Variants in CDC42EP5 observed in about 807,000 individuals in gnomAD.
CDC42EP5 encodes CDC42 effector protein 5, also known as CDC42 effector protein (Rho GTPase binding) 5.
For synonymous variants in CDC42EP5, 118 were observed against 123.3 expected (o/e 0.96, Z 0.28); for missense variants, 269 against 238.0 (o/e 1.13, Z -0.86).
At chr19:54,469,265 A>G (rs1017454205) in intron 2 of CDC42EP5, among the ~76,000 whole-genome samples, 6 of 152,050 alleles carry the variant, frequency 3.9e-5, no homozygotes, top group African/African-American at 1.4e-4. Flanking sequence ...AAGTGCTGGG[A>G]TTACAGGCAT....
chr19:54,467,983 T>C (rs989671302), intron 2 of CDC42EP5, among the ~76,000 whole-genome samples: 2 of 152,222 alleles, frequency 1.3e-5, no homozygotes, highest in African/African-American at 2.4e-5. Context: ...GTTGAAGCCC[T>C]ACCCTTTGCC....
Position 54,465,361 on chromosome 19 carries a change from G to T in CDC42EP5, c.187C>A (p.Pro63Thr), listed in dbSNP as rs1600047198. Residue 63 changes from proline (P) to threonine (T), a missense_variant, in exon 3 of 3, where the codon CCC (proline) becomes ACC (threonine). By Grantham distance (38) the Pro-to-Thr change is conservative. Transcript: ENST00000301200. ...GGGPPPEPRA[P>T]PAGAPRSPPP... ...GGGGAGCGCGGGGCCCCCGCGGGGG[G>T]CGCCCGGGGCTCGGGGGGCGGCCCG... is the stretch of plus-strand genomic sequence containing the variant. 8.6e-7 allele frequency: 1 copy of T among 1,156,442 alleles called. No individual in the cohort carries two copies. The highest frequency in any genetic ancestry group is 1.1e-6 in the Non-Finnish European group (1 of 939,588). 71.6% of individuals were successfully genotyped at this position (1,156,442 alleles called of 1,614,324 possible).
At chr19:54,469,593 G>A (rs1237086999) in intron 2 of CDC42EP5, among the ~76,000 whole-genome samples, 3 of 152,200 alleles carry the variant, frequency 2.0e-5, no homozygotes, top group Non-Finnish European at 4.4e-5. Flanking sequence ...ATACTTCCCA[G>A]TCCTTTTGCA....
At chr19:54,465,585 C>G (rs776792191) in intron 2 of CDC42EP5, 38 bp from the exon 3 acceptor site, 73 of 1,419,028 alleles carry the variant, frequency 5.1e-5, no homozygotes, top group Non-Finnish European at 6.6e-5. Flanking sequence ...GGCCCCAGCC[C>G]GGGGCTCGCA....
At chr19:54,466,713 C>A (rs1179650868) in intron 2 of CDC42EP5, among the ~76,000 whole-genome samples, 1 of 152,066 alleles carries the variant, frequency 6.6e-6, no homozygotes, top group Non-Finnish European at 1.5e-5. Flanking sequence ...AAAATGAGTA[C>A]AAGTTTCAAA....
At chr19:54,470,503 GAGAA>G (rs1004405222) in intron 2 of CDC42EP5, among the ~76,000 whole-genome samples, 30 of 142,472 alleles carry the variant, frequency 2.1e-4, no homozygotes, top group East Asian at 1.2e-3. Flanking sequence ...GGAAAGGAAG[GAGAA>G]AGAAAGAAAG....
chr19:54,465,410 G>A lies in CDC42EP5; in HGVS notation c.138C>T (p.Thr46=). The stretch of plus-strand genomic sequence containing the variant: ...CGCCGCCGTGGCGGCTCAGGAACGA[G>A]GTGTCCCCGAAGGCGTCGCCGCCGC... ...VGRGGDAFGD[T]SFLSRHGGGP... Residue 46 remains threonine (T), a synonymous_variant, in exon 3 of 3, where the codon ACC becomes ACT. Coordinates refer to ENST00000301200, the MANE Select transcript of CDC42EP5 (RefSeq NM_145057.4). 7.1e-7 allele frequency: 1 copy of A among 1,398,862 alleles called. No individual in the cohort carries two copies. The highest frequency in any genetic ancestry group is 1.5e-5 in the African/African-American group (1 of 66,986). 86.7% of individuals were successfully genotyped at this position (1,398,862 alleles called of 1,614,324 possible). A position where few individuals can be genotyped will look rare whatever the true frequency, so the allele number is the denominator to read the frequency against.
chr19:54,468,229 G>A lies in CDC42EP5; in HGVS notation c.1-2682C>T, dbSNP rs533662212. On this transcript the variant is annotated intron_variant, in intron 2 of 2. Transcript: ENST00000301200. ...AGAACACTATGAGAAAGACAAAGCCGCTGACATTGTTTTCACCGTAACAGG... is the reference window on the plus strand; with the variant it reads ...AGAACACTATGAGAAAGACAAAGCCACTGACATTGTTTTCACCGTAACAGG... Among the ~76,000 whole-genome samples the A allele has an allele frequency of 1.9e-4, 29 of 152,250 alleles. No homozygotes were observed. The South Asian group carries it at 2.3e-3, about 12-fold the overall frequency.
At chr19:54,468,920 C>CTTCCTTCCTTCT (rs753994637) in intron 2 of CDC42EP5, among the ~76,000 whole-genome samples, 5 of 124,012 alleles carry the variant, frequency 4.0e-5, no homozygotes, top group South Asian at 2.8e-4. Context: ...TCCTTCCTTC[C>CTTCCTTCCTTCT]TTCTTTCTTT....
At chr19:54,471,044 C>T (rs1311930896) in intron 2 of CDC42EP5, among the ~76,000 whole-genome samples, 1 of 152,212 alleles carries the variant, frequency 6.6e-6, no homozygotes, top group African/African-American at 2.4e-5. Context: ...ATAGAAGCCT[C>T]TGACCTCCCT....
At chr19:54,472,535 A>G (rs1201369444) in intron 1 of CDC42EP5, among the ~76,000 whole-genome samples, 1 of 53,662 alleles carries the variant, frequency 1.9e-5, no homozygotes, top group African/African-American at 8.8e-5. Flanking sequence ...CAGACCCAGG[A>G]GTCAAGATCC....
At chr19:54,467,089 C>T (rs949662483) in intron 2 of CDC42EP5, among the ~76,000 whole-genome samples, 2 of 150,890 alleles carry the variant, frequency 1.3e-5, no homozygotes, top group African/African-American at 4.9e-5. Flanking sequence ...CCACGCCTGG[C>T]CAACTGTACC....
chr19:54,465,211 CCGGG>C lies in CDC42EP5; in HGVS notation c.333_336del (p.Pro112ArgfsTer30). Reference sequence around the variant, plus strand: ...GCGTCGGGCTTGGCGGCAGCCGCCTCCGGGCGCGCCGCGTCCATGACGCCCAGCA... The same window carrying C: ...GCGTCGGGCTTGGCGGCAGCCGCCTCCGCGCCGCGTCCATGACGCCCAGCA... On this transcript the variant is annotated frameshift_variant, in exon 3 of 3. Coordinates refer to ENST00000301200, the MANE Select transcript of CDC42EP5 (RefSeq NM_145057.4). LOFTEE classifies it low-confidence loss of function (END_TRUNC). The C allele has an allele frequency of 6.9e-7, 1 of 1,439,298 alleles. No homozygotes were observed. Among genetic ancestry groups the C allele is most frequent in the Non-Finnish European group, 9.1e-7 (1 of 1,100,164 alleles). The allele number at this position is 1,439,298 out of a possible 1,614,324, so 89.2% of individuals were successfully genotyped here.
At position 54,465,476 on chromosome 19, in the gene CDC42EP5, G is replaced by A. The variant is rs747374305; in HGVS notation, c.72C>T (p.Ser24=). ...KRPDRGALSI[S]APLGDFRHTL... ...TGTGCCGGAAGTCGCCGAGCGGCGCGGAGATGGACAGGGCGCCGCGATCAG... is the reference window on the plus strand; with the variant it reads ...TGTGCCGGAAGTCGCCGAGCGGCGCAGAGATGGACAGGGCGCCGCGATCAG... The change falls in exon 3 of 3, where the codon TCC becomes TCT. Residue 24 remains serine, a synonymous_variant. Transcript: ENST00000301200. The A allele has an allele frequency of 9.8e-6, 15 of 1,527,972 alleles. No individual in the cohort carries two copies. The highest frequency in any genetic ancestry group is 1.2e-5 in the Non-Finnish European group (14 of 1,150,000). 94.7% of individuals were successfully genotyped at this position (1,527,972 alleles called of 1,614,324 possible).
intron 2 of CDC42EP5, among the ~76,000 whole-genome samples, chr19:54,467,410 G>A (rs1490056350): frequency 6.6e-6 from 1 of 151,022 alleles, no homozygotes; most frequent in Non-Finnish European, 1.5e-5. Context: ...CTGAGATCGC[G>A]CCATTGCATT....
chr19:54,469,325 T>A (rs1039400302), intron 2 of CDC42EP5, among the ~76,000 whole-genome samples: 2 of 152,100 alleles, frequency 1.3e-5, no homozygotes, highest in African/African-American at 2.4e-5. Context: ...GTAATCTATT[T>A]TATTTTTAAA....
chr19:54,469,941 C>CA (rs1344809105), intron 2 of CDC42EP5, among the ~76,000 whole-genome samples: 2 of 152,128 alleles, frequency 1.3e-5, no homozygotes, highest in Non-Finnish European at 2.9e-5. Context: ...CAGCACCTGG[C>CA]AACACACATA....
intron 2 of CDC42EP5, among the ~76,000 whole-genome samples, chr19:54,470,447 AAAGG>A (rs752215782): frequency 9.4e-4 from 141 of 149,410 alleles, no homozygotes; most frequent in Middle Eastern, 6.8e-3. Context: ...GGGAGGGAAA[AAAGG>A]AAGGAAGGAA....
chr19:54,466,031 A>G (rs1413496942), intron 2 of CDC42EP5, among the ~76,000 whole-genome samples: 1 of 152,210 alleles, frequency 6.6e-6, no homozygotes, highest in East Asian at 1.9e-4. Flanking sequence ...CAGAATGCCT[A>G]TGAACACCAT....
Sources: gnomAD v4.1 joint callset for allele counts (sites outside exome capture counted in the v4.1 genomes callset) on GRCh38, gnomAD v4.1.1 for gene constraint, MANE v1.5 for transcripts, NCBI Gene and HGNC (gene_info 2026-07-23, HGNC 2026-07-21) for gene names.